The following TRAF3IP1 variants were observed in gnomAD, a reference collection of about 807,000 sequenced individuals.
TRAF3IP1 encodes intraflagellar transport 54.
A neutral mutation model predicts 89.9 loss-of-function variants in TRAF3IP1; 53 were observed. The ratio of observed to expected loss-of-function variants is 0.59; its 90% CI spans 0.47 to 0.74. The LOEUF (loss-of-function observed/expected upper bound fraction) is 0.74, where lower values mean the gene tolerates loss of function less well. TRAF3IP1 is among the 30% of genes least tolerant of loss of function. The pLI is 0.00. For synonymous variants in TRAF3IP1, 311 were observed against 322.1 expected (o/e 0.97, Z 0.37); for missense variants, 806 against 866.1 (o/e 0.93, Z 0.87).
At chr2:238,347,523 G>A (rs763327767) in intron 10 of TRAF3IP1, 48 bp downstream of exon 10, 1 of 1,589,804 alleles carries the variant, frequency 6.3e-7, no homozygotes, top group Non-Finnish European at 8.6e-7. Flanking sequence ...TTGTATGCAT[G>A]TGTGTGAATG....
intron 15 of TRAF3IP1, among the ~76,000 whole-genome samples, chr2:238,389,235 T>G (rs1454346893): frequency 6.6e-6 from 1 of 151,998 alleles, no homozygotes; most frequent in Non-Finnish European, 1.5e-5. Flanking sequence ...CTGAGACATT[T>G]TTTTTTACAT....
In TRAF3IP1 at chr2:238,344,505, G is replaced by A. The variant is rs1259257948; in HGVS notation, c.1168G>A (p.Glu390Lys). The A allele has an allele frequency of 6.2e-7, 1 of 1,613,898 alleles. No homozygotes were observed. Among genetic ancestry groups the A allele is most frequent in the Non-Finnish European group, 8.5e-7 (1 of 1,179,762 alleles). Residue 390 changes from glutamate (E) to lysine (K), a missense_variant, in exon 9 of 17, where the codon GAA (glutamate) becomes AAA (lysine). Coordinates refer to ENST00000373327, the MANE Select transcript of TRAF3IP1 (RefSeq NM_015650.4). ...AAACTGTTTTATGTCAGGAACAAAA[G>A]AAGCTAATATTAACTCAACTAGTAT... is the stretch of plus-strand genomic sequence containing the variant. Reference protein sequence around the residue: ...ETTTSEIGTKEANINSTSISD... With the variant: ...ETTTSEIGTKKANINSTSISD...
At chr2:238,347,275 G>T in intron 9 of TRAF3IP1, 180 bp from the exon 10 acceptor site, 1 of 621,944 alleles carries the variant, frequency 1.6e-6, no homozygotes, top group Non-Finnish European at 2.8e-6. Flanking sequence ...TTCTATCTTT[G>T]AAAATAAAAC....
intron 6 of TRAF3IP1, among the ~76,000 whole-genome samples, chr2:238,333,375 T>TGG (rs1698222604): frequency 6.6e-6 from 1 of 152,100 alleles, no homozygotes; most frequent in Non-Finnish European, 1.5e-5. Context: ...GTTACACTCA[T>TGG]CCCAAGCAGT....
intron 15 of TRAF3IP1, among the ~76,000 whole-genome samples, chr2:238,387,648 A>G (rs951294096): frequency 6.6e-6 from 1 of 152,198 alleles, no homozygotes; most frequent in Admixed American, 6.5e-5. Context: ...ATTTTTTTGT[A>G]ATAGCCCTAG....
At chr2:238,383,612 TC>T (rs1174367007) in intron 15 of TRAF3IP1, among the ~76,000 whole-genome samples, 2 of 152,214 alleles carry the variant, frequency 1.3e-5, no homozygotes, top group Non-Finnish European at 2.9e-5. Flanking sequence ...CTCTAACGTT[TC>T]CTAAGGTAAA....
intron 7 of TRAF3IP1, among the ~76,000 whole-genome samples, chr2:238,335,473 A>G (rs972057458): frequency 1.3e-5 from 2 of 151,782 alleles, no homozygotes; most frequent in African/African-American, 2.4e-5. Flanking sequence ...TATTTTTACT[A>G]TTAGTTTTCT....
intron 5 of TRAF3IP1, among the ~76,000 whole-genome samples, chr2:238,329,628 A>G (rs879674656): frequency 6.6e-6 from 1 of 152,204 alleles, no homozygotes; most frequent in Non-Finnish European, 1.5e-5. Flanking sequence ...CTTCATGTCC[A>G]GGGAGAATTC....
intron 15 of TRAF3IP1, among the ~76,000 whole-genome samples, chr2:238,376,819 G>A (rs1290500303): frequency 6.6e-6 from 1 of 152,170 alleles, no homozygotes; most frequent in Non-Finnish European, 1.5e-5. Flanking sequence ...TGTCTGTTGA[G>A]TCTTTTCTGT....
chr2:238,370,611 C>T (rs1700070996), intron 15 of TRAF3IP1, among the ~76,000 whole-genome samples: 1 of 152,142 alleles, frequency 6.6e-6, no homozygotes, highest in Non-Finnish European at 1.5e-5. Context: ...CCTGGCATTG[C>T]CCACTTCATG....
At chr2:238,357,610 CACT>C (rs538571771) in intron 15 of TRAF3IP1, among the ~76,000 whole-genome samples, 51 of 152,188 alleles carry the variant, frequency 3.4e-4, no homozygotes, top group Non-Finnish European at 5.9e-4. Context: ...CTGACAGCAC[CACT>C]GTTTGCCTTG....
intron 5 of TRAF3IP1, 132 bp downstream of exon 5, chr2:238,329,474 C>T (rs982970471): frequency 1.2e-6 from 1 of 834,226 alleles, no homozygotes; most frequent in Admixed American, 3.9e-5. Context: ...TGATGACAAT[C>T]TTGGATTCTC....
At chr2:238,347,599 A>G in intron 10 of TRAF3IP1, 124 bp downstream of exon 10, 1 of 933,418 alleles carries the variant, frequency 1.1e-6, no homozygotes, top group Non-Finnish European at 1.7e-6. Flanking sequence ...TTTTATGGAA[A>G]AAGATCATAA....
rs532881910 is a variant in TRAF3IP1 at position 238,374,646 on chromosome 2, A to AATGAGTTAG, written c.1689+18567_1689+18575dup. 2.1e-3 allele frequency among the ~76,000 whole-genome samples: 318 copies of AATGAGTTAG among 152,278 alleles called. 3 individuals are homozygous for AATGAGTTAG. The highest frequency in any genetic ancestry group is 7.4e-3 in the African/African-American group (306 of 41,536). ...TATCAGGATGATGTTGGCCTCATAA[A>AATGAGTTAG]ATGAGTTAGGGAGGATTCCCTCTTT... is the stretch of plus-strand genomic sequence containing the variant. On this transcript the variant is annotated intron_variant, in intron 15 of 16. Transcript: ENST00000373327.
Position 238,320,763 on chromosome 2 carries a change from A to G in TRAF3IP1, c.101A>G (p.Tyr34Cys), listed in dbSNP as rs1463811196. ...EKLLSKPPFR[Y>C]LHDIITEVIR... ...CTGCTGAGCAAGCCCCCGTTCCGCT[A>G]CCTGCACGACATCATCACGGAGGTG... Residue 34 changes from tyrosine to cysteine, a missense_variant, in exon 1 of 17, where the codon TAC (tyrosine) becomes TGC (cysteine). Tyr to Cys is a radical substitution (Grantham distance 194, BLOSUM62 -2). This residue lies in a region of TRAF3IP1 where 732 missense variants were observed against 780.5 expected (regional missense o/e 0.94). Transcript: ENST00000373327. The G allele has an allele frequency of 2.1e-6, 3 of 1,427,992 alleles. No homozygotes were observed. Among genetic ancestry groups the G allele is most frequent in the Admixed American group, 2.4e-5 (1 of 40,836 alleles). 88.5% of individuals were successfully genotyped at this position (1,427,992 alleles called of 1,614,324 possible). A position where few individuals can be genotyped will look rare whatever the true frequency, so the allele number is the denominator to read the frequency against.
intron 12 of TRAF3IP1, 93 bp from the exon 13 acceptor site, chr2:238,352,734 A>G (rs1699228802): frequency 2.4e-6 from 3 of 1,253,806 alleles, no homozygotes; most frequent in South Asian, 1.5e-5. Context: ...GTTGGTGATT[A>G]GATTCCTCTC....
chr2:238,321,111 C>T (rs1455177225), intron 1 of TRAF3IP1, among the ~76,000 whole-genome samples: 3 of 152,200 alleles, frequency 2.0e-5, no homozygotes, highest in Non-Finnish European at 2.9e-5. Context: ...AATTCCGCGG[C>T]GCCCTCCGTG....
At chr2:238,387,876 C>G (rs1229105942) in intron 15 of TRAF3IP1, among the ~76,000 whole-genome samples, 2 of 152,114 alleles carry the variant, frequency 1.3e-5, no homozygotes, top group Non-Finnish European at 2.9e-5. Context: ...GCCAGGAGTT[C>G]AAGACCAGCC....
At chr2:238,396,734 G>A (rs753111970) in intron 15 of TRAF3IP1, among the ~76,000 whole-genome samples, 6 of 152,048 alleles carry the variant, frequency 3.9e-5, no homozygotes, top group Non-Finnish European at 8.8e-5. Context: ...CTCCCCACTC[G>A]TCTCTGCGTC....
Sources: allele counts gnomAD v4.1 joint callset (sites outside exome capture counted in the v4.1 genomes callset), GRCh38; gene constraint gnomAD v4.1.1; regional missense constraint gnomAD v4.1.1; transcripts MANE v1.5; gene names NCBI Gene and HGNC (gene_info 2026-07-23, HGNC 2026-07-21).